Variants in GARNL3 observed in about 807,000 individuals in gnomAD.
The protein encoded by GARNL3 is GTPase activating Rap/RanGAP domain like 3.
GARNL3 carries 63 observed loss-of-function variants against 125.0 expected under a neutral mutation model. The observed-to-expected ratio is 0.50, with a 90% CI of 0.41 to 0.62. The LOEUF (loss-of-function observed/expected upper bound fraction) is 0.62. Among genes scored for constraint, GARNL3 ranks in the 20% least tolerant of loss-of-function variants. The pLI is 0.00. For synonymous variants in GARNL3, 439 were observed against 457.5 expected, an observed-to-expected ratio of 0.96 and a Z score of 0.52; for missense variants, 994 against 1,244.0, an observed-to-expected ratio of 0.80 and a Z score of 3.02.
At chr9:127,342,801 T>C (rs1320640845) in intron 14 of GARNL3, among the ~76,000 whole-genome samples, 3 of 151,844 alleles carry the variant, frequency 2.0e-5, no homozygotes, top group Non-Finnish European at 4.4e-5. Flanking sequence ...TCCCATTTAC[T>C]GAAGACCCAG....
intron 20 of GARNL3, 23 bp from the exon 21 acceptor site, chr9:127,357,196 T>C: frequency 6.2e-7 from 1 of 1,613,512 alleles, no homozygotes; most frequent in South Asian, 1.1e-5. Context: ...CCCCTGTCTC[T>C]TGTATCCTCA....
chr9:127,234,991 T>A (rs1185722490), intron 1 of GARNL3, among the ~76,000 whole-genome samples: 1 of 152,172 alleles, frequency 6.6e-6, no homozygotes, highest in Non-Finnish European at 1.5e-5. Context: ...AAAAGTTTTT[T>A]TTTTAAGTCC....
At position 127,319,614 on chromosome 9, in the gene GARNL3, G is replaced by A. The variant is rs75821009; in HGVS notation, c.504-1101G>A. Among the ~76,000 whole-genome samples the A allele has an allele frequency of 3.9e-3, 598 of 152,252 alleles. 3 individuals carry two copies. Among genetic ancestry groups the A allele is most frequent in the Middle Eastern group, 0.02 (6 of 294 alleles). ...TATCTTCTGATTTTTCTTCTGAGCA[G>A]TTCTAAAGCCTGAGTTAAGCCTCTC... On this transcript the variant is annotated intron_variant, in intron 5 of 27. Transcript: ENST00000373387.
At chr9:127,265,403 TTTTCTGTATGTTTGC>T (rs1196944127) in intron 1 of GARNL3, among the ~76,000 whole-genome samples, 4 of 152,198 alleles carry the variant, frequency 2.6e-5, no homozygotes, top group Non-Finnish European at 5.9e-5. Context: ...CGTATTCTGA[TTTTCTGTATGTTTGC>T]TTTCTGGGTG....
chr9:127,253,907 A>G (rs1456321130), intron 2 of GARNL3, among the ~76,000 whole-genome samples: 1 of 152,184 alleles, frequency 6.6e-6, no homozygotes. Flanking sequence ...TTTTTCAAGT[A>G]TCTGGTAAAG....
chr9:127,374,684 C>T (rs1831794956), intron 22 of GARNL3, among the ~76,000 whole-genome samples: 1 of 152,068 alleles, frequency 6.6e-6, no homozygotes, highest in African/African-American at 2.4e-5. Flanking sequence ...GGGCAAAACA[C>T]TTGATGAGGT....
intron 21 of GARNL3, chr9:127,362,582 G>A (rs1047182907): frequency 6.6e-6 from 1 of 152,308 alleles, no homozygotes; most frequent in Non-Finnish European, 1.5e-5. Flanking sequence ...CTCCCAGTCT[G>A]GCAGAGCAGA....
chr9:127,263,809 G>A (rs1160752701), upstream of GARNL3: 1 of 1,265,040 alleles, frequency 7.9e-7, no homozygotes, highest in Non-Finnish European at 9.9e-7. Context: ...CTGTGAAATG[G>A]TGGAAGCAGA....
At chr9:127,365,812 A>G (rs915723066) in intron 22 of GARNL3, among the ~76,000 whole-genome samples, 2 of 152,172 alleles carry the variant, frequency 1.3e-5, no homozygotes, top group Admixed American at 1.3e-4. Flanking sequence ...CAGGGTTTGC[A>G]TCGGGTGCTC....
intron 22 of GARNL3, among the ~76,000 whole-genome samples, chr9:127,373,252 G>A (rs923086187): frequency 6.6e-6 from 1 of 152,232 alleles, no homozygotes; most frequent in Middle Eastern, 3.2e-3. Flanking sequence ...GAAGCCTCAA[G>A]TATTGCTATT....
In GARNL3 at chr9:127,392,975, T is replaced by TG. The variant is rs761812953; in HGVS notation, c.2871-106dup. 7.1e-5 allele frequency: 62 copies of TG among 877,844 alleles called. No individual in the cohort carries two copies. The highest frequency in any genetic ancestry group is 1.1e-4 in the Admixed American group (5 of 43,768). 54.4% of individuals were successfully genotyped at this position (877,844 alleles called of 1,614,324 possible). On this transcript the variant is annotated intron_variant, in intron 27 of 27. Transcript: ENST00000373387. The surrounding 1 kb of genome is among the most constrained non-coding windows in gnomAD (Gnocchi z 5.2). ...CCTCTACCACATAACAGTGAGGGTT[T>TG]GGTGAGCCAAACTCATGAGCTCAGA...
At chr9:127,361,713 A>C (rs1279933873) in intron 21 of GARNL3, 3 of 152,160 alleles carry the variant, frequency 2.0e-5, no homozygotes, top group Non-Finnish European at 4.4e-5. Flanking sequence ...CAACTCTCTG[A>C]ATATTGCCAC....
chr9:127,351,207 T>C (rs899293006), intron 17 of GARNL3, among the ~76,000 whole-genome samples: 1 of 152,222 alleles, frequency 6.6e-6, no homozygotes, highest in Non-Finnish European at 1.5e-5. Flanking sequence ...CTATTTGAGT[T>C]GCCTCTATTT....
chr9:127,390,333 A>G (rs1004295177), intron 26 of GARNL3, among the ~76,000 whole-genome samples: 1 of 152,240 alleles, frequency 6.6e-6, no homozygotes, highest in Non-Finnish European at 1.5e-5. Flanking sequence ...CAAACCACTG[A>G]GCTTTTGCAA....
intron 22 of GARNL3, among the ~76,000 whole-genome samples, chr9:127,376,615 C>T (rs1264397346): frequency 1.4e-4 from 21 of 151,342 alleles, no homozygotes; most frequent in Admixed American, 1.3e-3. Context: ...TTTTATGGGA[C>T]GTTTTAAAGG....
chr9:127,357,147 G>A (rs78563134), intron 20 of GARNL3, 72 bp from the exon 21 acceptor site: 61,644 of 1,467,126 alleles, frequency 0.042, 1,597 homozygotes, highest in Non-Finnish European at 0.051. Context: ...GAGGGAATGG[G>A]CAGTGGGGCT....
At chr9:127,299,044 C>T (rs527767189) in intron 2 of GARNL3, among the ~76,000 whole-genome samples, 3 of 152,238 alleles carry the variant, frequency 2.0e-5, no homozygotes, top group African/African-American at 4.8e-5. Context: ...AGGCCAGGCA[C>T]GGTGGCTCAC....
At chr9:127,316,368 C>T (rs1279198574) in intron 4 of GARNL3, among the ~76,000 whole-genome samples, 1 of 151,902 alleles carries the variant, frequency 6.6e-6, no homozygotes, top group African/African-American at 2.4e-5. Flanking sequence ...ATAGTGAGAC[C>T]CTGCCTGCTA....
At chr9:127,334,614 A>C (rs936992467) in intron 9 of GARNL3, among the ~76,000 whole-genome samples, 1 of 152,206 alleles carries the variant, frequency 6.6e-6, no homozygotes. Flanking sequence ...TATGGTCATA[A>C]CAACCATCCA....
Sources: allele counts gnomAD v4.1 joint callset (sites outside exome capture counted in the v4.1 genomes callset), GRCh38; gene constraint gnomAD v4.1.1; non-coding constraint Gnocchi (gnomAD v3.1); transcripts MANE v1.5; gene names NCBI Gene and HGNC (gene_info 2026-07-23, HGNC 2026-07-21).